DPYD: variants seen among roughly 807,000 people sequenced by gnomAD.
DPYD encodes dihydropyrimidine dehydrogenase.
A neutral mutation model predicts 116.2 loss-of-function variants in DPYD; 109 were observed. That is an observed-to-expected ratio of 0.94 (90% CI 0.80 to 1.10). DPYD has a LOEUF of 1.10. Among genes scored for constraint, DPYD ranks in the 50% least tolerant of loss-of-function variants. The pLI is 0.00. For missense variants in DPYD, 1,302 were observed against 1,254.5 expected (o/e 1.04, Z -0.57); for synonymous variants, 440 against 432.0 (o/e 1.02, Z -0.23).
intron 5 of DPYD, chr1:97,700,286 T>C (rs754604636): frequency 4.7e-4 from 214 of 455,736 alleles, no homozygotes; most frequent in Non-Finnish European, 8.6e-4. Flanking sequence ...GTTTTGGAAA[T>C]GTAGGAGGCC....
intron 8 of DPYD, among the ~76,000 whole-genome samples, chr1:97,670,535 G>A (rs1659805883): frequency 6.6e-6 from 1 of 152,170 alleles, no homozygotes; most frequent in Non-Finnish European, 1.5e-5. Context: ...GCCTTCACCA[G>A]AACCCAGCCA....
At chr1:97,632,699 C>T (rs985322471) in intron 8 of DPYD, among the ~76,000 whole-genome samples, 5 of 152,062 alleles carry the variant, frequency 3.3e-5, no homozygotes, top group Non-Finnish European at 7.4e-5. Context: ...AAATAAGCAA[C>T]CATTTCCTTA....
chr1:97,140,173 A>G (rs1399722278), intron 20 of DPYD, among the ~76,000 whole-genome samples: 1 of 152,088 alleles, frequency 6.6e-6, no homozygotes, highest in African/African-American at 2.4e-5. Context: ...GGAGGGTTAA[A>G]GTAAGGAGGC....
chr1:97,565,865 C>A (rs1001490536), intron 11 of DPYD, among the ~76,000 whole-genome samples: 2 of 152,058 alleles, frequency 1.3e-5, no homozygotes, highest in South Asian at 2.1e-4. Context: ...ATAAAAAGTT[C>A]TATTTAGAAA....
intron 14 of DPYD, among the ~76,000 whole-genome samples, chr1:97,431,955 T>G (rs1055499496): frequency 6.6e-6 from 1 of 152,158 alleles, no homozygotes; most frequent in African/African-American, 2.4e-5. Context: ...AGTGAGAACA[T>G]GAAATGTTTG....
chr1:97,304,700 G>A (rs1481186885), intron 18 of DPYD, among the ~76,000 whole-genome samples: 1 of 151,998 alleles, frequency 6.6e-6, no homozygotes, highest in East Asian at 1.9e-4. Flanking sequence ...TAAAGATACT[G>A]AACAGGACCT....
intron 20 of DPYD, among the ~76,000 whole-genome samples, chr1:97,132,184 T>C (rs1021229833): frequency 3.3e-5 from 5 of 152,180 alleles, no homozygotes; most frequent in Non-Finnish European, 7.3e-5. Flanking sequence ...ATCTCAGCAT[T>C]CTTTAGGTCA....
chr1:97,811,638 A>ACAAT lies in DPYD; in HGVS notation c.233+16472_233+16475dup, dbSNP rs1480273706. On this transcript the variant is annotated intron_variant, in intron 3 of 22. Coordinates refer to ENST00000370192, the MANE Select transcript of DPYD (RefSeq NM_000110.4). ...AACTTTGTTTCGAAACTTCAGTTTT[A>ACAAT]CAATCAATCAGTATTCTTAATTCCA... 3.3e-5 allele frequency among the ~76,000 whole-genome samples: 5 copies of ACAAT among 152,290 alleles called. No homozygotes were observed. In the East Asian group the frequency reaches 7.7e-4, roughly 24 times the overall value.
At chr1:97,079,451 G>C (rs984417490) in intron 22 of DPYD, among the ~76,000 whole-genome samples, 1 of 152,026 alleles carries the variant, frequency 6.6e-6, no homozygotes, top group Admixed American at 6.6e-5. Flanking sequence ...GCAGAGTTCG[G>C]GTCTTTCCAG....
chr1:97,385,525 T>TTA (rs1557675816), intron 14 of DPYD, among the ~76,000 whole-genome samples: 2 of 140,694 alleles, frequency 1.4e-5, no homozygotes, highest in African/African-American at 2.7e-5. Context: ...ATTTTTTTCT[T>TTA]AAAAAAAAAA....
chr1:97,884,537 A>G (rs1489486332), intron 1 of DPYD, among the ~76,000 whole-genome samples: 2 of 152,202 alleles, frequency 1.3e-5, no homozygotes, highest in South Asian at 2.1e-4. Flanking sequence ...ATTCAGATAT[A>G]AATTAAAAAG....
chr1:97,866,480 C>G (rs1671384827), intron 2 of DPYD, among the ~76,000 whole-genome samples: 1 of 151,872 alleles, frequency 6.6e-6, no homozygotes. Flanking sequence ...ATAGTTTAGT[C>G]TCTGGAATCT....
chr1:97,099,200 A>G (rs1006638104), intron 20 of DPYD, among the ~76,000 whole-genome samples: 21 of 152,162 alleles, frequency 1.4e-4, no homozygotes, highest in African/African-American at 5.1e-4. Flanking sequence ...ATAGCTGAAA[A>G]ACAAAAATGG....
intron 8 of DPYD, among the ~76,000 whole-genome samples, chr1:97,637,034 AC>A (rs1657607094): frequency 6.6e-6 from 1 of 152,284 alleles, no homozygotes; most frequent in Non-Finnish European, 1.5e-5. Flanking sequence ...GCAGAAAAAA[AC>A]ATTGTTGGAG....
At chr1:97,316,770 G>C (rs1225369517) in intron 16 of DPYD, among the ~76,000 whole-genome samples, 1 of 151,658 alleles carries the variant, frequency 6.6e-6, no homozygotes, top group African/African-American at 2.4e-5. Flanking sequence ...GGATCCCTCT[G>C]AGCCTCTATG....
rs935543744 is a variant in DPYD at position 97,194,110 on chromosome 1, T to C, written c.2443-862A>G. ...TCTGCAGTGACTAGGACACTGTTTG[T>C]CTGTTAGTCTGCTCTCCACAAATAT... On this transcript the variant is annotated intron_variant, in intron 19 of 22. Coordinates refer to ENST00000370192, the MANE Select transcript of DPYD (RefSeq NM_000110.4). Among the ~76,000 whole-genome samples, 57 of 151,778 alleles carry C rather than the reference T, an allele frequency of 3.8e-4. 1 individual carries two copies. Among genetic ancestry groups the C allele is most frequent in the Admixed American group, 3.7e-3 (57 of 15,260 alleles).
intron 16 of DPYD, among the ~76,000 whole-genome samples, chr1:97,342,828 C>A (rs1339235464): frequency 6.6e-6 from 1 of 152,258 alleles, no homozygotes; most frequent in Middle Eastern, 3.4e-3. Context: ...TTTGCAATTA[C>A]TGGCCTTGCC....
chr1:97,839,925 G>A (rs1205622301), intron 2 of DPYD, among the ~76,000 whole-genome samples: 3 of 152,162 alleles, frequency 2.0e-5, no homozygotes, highest in African/African-American at 4.8e-5. Context: ...GGATACTAAT[G>A]AGGTGGAGCA....
intron 20 of DPYD, among the ~76,000 whole-genome samples, chr1:97,164,798 A>G (rs1656194087): frequency 6.6e-6 from 1 of 152,106 alleles, no homozygotes; most frequent in Non-Finnish European, 1.5e-5. Flanking sequence ...ACGGGAAAAC[A>G]TTCCATGCTC....
Sources: gnomAD v4.1 joint callset for allele counts (sites outside exome capture counted in the v4.1 genomes callset) on GRCh38, gnomAD v4.1.1 for gene constraint, MANE v1.5 for transcripts, NCBI Gene and HGNC (gene_info 2026-07-23, HGNC 2026-07-21) for gene names.